The following NAV3 variants were observed in gnomAD, a reference collection of about 807,000 sequenced individuals.
The protein encoded by NAV3 is neuron navigator 3.
A neutral mutation model predicts 244.7 loss-of-function variants in NAV3; 87 were observed. That is an observed-to-expected ratio of 0.36 (90% CI 0.30 to 0.42). The LOEUF is 0.42. Ranked by LOEUF, NAV3 falls within the 20% of genes least tolerant of loss-of-function variation. The pLI, the probability that NAV3 is intolerant of heterozygous loss-of-function variation, is 1.00. For missense variants in NAV3, 2,663 were observed against 2,893.3 expected (o/e 0.92, Z 1.83); for synonymous variants, 1,126 against 1,042.2 (o/e 1.08, Z -1.55).
chr12:77,698,773 G>A (rs1022938339), intron 2 of NAV3, among the ~76,000 whole-genome samples: 1 of 152,092 alleles, frequency 6.6e-6, no homozygotes, highest in Non-Finnish European at 1.5e-5. Flanking sequence ...TATGTGAATG[G>A]CATGGCTATT....
chr12:77,814,220 AAG>A (rs1872432131), intron 2 of NAV3, among the ~76,000 whole-genome samples: 1 of 152,076 alleles, frequency 6.6e-6, no homozygotes, highest in African/African-American at 2.4e-5. Flanking sequence ...ATTGCCCAGG[AAG>A]ACTCATGTCC....
chr12:78,188,125 G>T, intron 31 of NAV3, 123 bp from the exon 32 acceptor site: 1 of 691,492 alleles, frequency 1.4e-6, no homozygotes. Flanking sequence ...TACTATAGAA[G>T]CCACAGGTTT....
At chr12:78,076,804 A>G (rs1324819157) in intron 12 of NAV3, among the ~76,000 whole-genome samples, 2 of 152,306 alleles carry the variant, frequency 1.3e-5, no homozygotes, top group Middle Eastern at 3.4e-3. Flanking sequence ...TAGAAGCCAT[A>G]TAATCCAAAA....
chr12:77,641,261 C>T (rs1360756352), intron 2 of NAV3, among the ~76,000 whole-genome samples: 1 of 151,822 alleles, frequency 6.6e-6, no homozygotes. Context: ...ATGGTCTTGT[C>T]CTATGTTGGT....
chr12:78,031,628 T>C lies in NAV3; in HGVS notation c.2023+9766T>C, dbSNP rs187166904. Among the ~76,000 whole-genome samples, 1,458 of 150,488 alleles carry C rather than the reference T, an allele frequency of 9.7e-3. 26 individuals carry two copies. The highest frequency in any genetic ancestry group is 0.034 in the African/African-American group (1,390 of 40,934). ...GAAATCATCATTCTCAGTAAACTAT[T>C]GCAAGAACAAAAAACCAAGCACCGC... is the stretch of plus-strand genomic sequence containing the variant. On this transcript the variant is annotated intron_variant, in intron 9 of 39. Coordinates refer to ENST00000397909, the MANE Select transcript of NAV3 (RefSeq NM_001024383.2).
chr12:77,697,459 C>G (rs1433223611), intron 2 of NAV3, among the ~76,000 whole-genome samples: 1 of 152,160 alleles, frequency 6.6e-6, no homozygotes, highest in Non-Finnish European at 1.5e-5. Flanking sequence ...CTCTCTTTCT[C>G]AATTTTTAAA....
intron 12 of NAV3, among the ~76,000 whole-genome samples, chr12:78,079,217 T>G (rs1043827983): frequency 1.3e-5 from 2 of 152,190 alleles, no homozygotes; most frequent in African/African-American, 4.8e-5. Context: ...GCACAAGAAT[T>G]CTAAAGATGT....
At chr12:77,969,142 ATGTGTG>A (rs3078729) in intron 5 of NAV3, among the ~76,000 whole-genome samples, 20,714 of 147,712 alleles carry the variant, frequency 0.14, 1,776 homozygotes, top group East Asian at 0.3. Flanking sequence ...AGTGTTTTTG[ATGTGTG>A]TGTGTGTGTG....
chr12:77,741,135 G>GAAAAAA (rs71088333), intron 2 of NAV3, among the ~76,000 whole-genome samples: 2 of 60,718 alleles, frequency 3.3e-5, no homozygotes, highest in African/African-American at 9.4e-5. Flanking sequence ...AATAGTCAAA[G>GAAAAAA]AAAAAAAAAA....
At chr12:77,995,188 G>A (rs984856186) in intron 6 of NAV3, among the ~76,000 whole-genome samples, 1 of 152,132 alleles carries the variant, frequency 6.6e-6, no homozygotes, top group Non-Finnish European at 1.5e-5. Flanking sequence ...ACATAATCTG[G>A]AAGTTATACA....
At chr12:78,102,897 G>A (rs867952356) in intron 12 of NAV3, among the ~76,000 whole-genome samples, 1 of 152,082 alleles carries the variant, frequency 6.6e-6, no homozygotes, top group Non-Finnish European at 1.5e-5. Flanking sequence ...TGGGCACCCT[G>A]GGCCCAGCCC....
intron 22 of NAV3, among the ~76,000 whole-genome samples, chr12:78,154,324 G>GC (rs1957212246): frequency 7.6e-6 from 1 of 131,906 alleles, no homozygotes; most frequent in Non-Finnish European, 1.6e-5. Flanking sequence ...TATATATATA[G>GC]TATATATTAT....
intron 2 of NAV3, among the ~76,000 whole-genome samples, chr12:77,743,478 T>C (rs989421755): frequency 7.2e-5 from 11 of 151,952 alleles, no homozygotes; most frequent in African/African-American, 2.6e-4. Context: ...AAAACATATG[T>C]CCACACTAAG....
chr12:77,889,467 A>G (rs1243876292), intron 1 of NAV3, among the ~76,000 whole-genome samples: 3 of 152,180 alleles, frequency 2.0e-5, no homozygotes, highest in African/African-American at 7.2e-5. Context: ...GCAAACCATG[A>G]GTAATATAGG....
chr12:77,758,183 A>G (rs559715741), intron 2 of NAV3, among the ~76,000 whole-genome samples: 1 of 152,282 alleles, frequency 6.6e-6, no homozygotes, highest in African/African-American at 2.4e-5. Context: ...TCTACTTAAG[A>G]TATAAATCTT....
intron 1 of NAV3, among the ~76,000 whole-genome samples, chr12:77,860,058 G>A (rs1879031604): frequency 6.6e-6 from 1 of 151,764 alleles, no homozygotes; most frequent in Non-Finnish European, 1.5e-5. Flanking sequence ...ATAGCCTCAA[G>A]ATTTATTAAG....
At chr12:77,677,008 C>G (rs10506756) in intron 2 of NAV3, among the ~76,000 whole-genome samples, 30,958 of 152,058 alleles carry the variant, frequency 0.2, 5,190 homozygotes, top group African/African-American at 0.46. Context: ...GGTTCTCACA[C>G]TCATTAAAAC....
chr12:78,194,350 C>T lies in NAV3; in HGVS notation c.6292-2897C>T, dbSNP rs1959108881. 3.3e-5 allele frequency among the ~76,000 whole-genome samples: 5 copies of T among 152,024 alleles called. No homozygotes were observed. In the South Asian group the frequency reaches 1.0e-3, roughly 32 times the overall value. ...GATTTCTACAATTATTTTTTAACTA[C>T]TTGATACACGATTTCCTTTAAATTT... On this transcript the variant is annotated intron_variant, in intron 34 of 39. Transcript: ENST00000397909.
At chr12:77,574,947 A>G (rs1390263484) in intron 2 of NAV3, among the ~76,000 whole-genome samples, 1 of 151,512 alleles carries the variant, frequency 6.6e-6, no homozygotes, top group Non-Finnish European at 1.5e-5. Flanking sequence ...CTTTATTAAG[A>G]TAGTATCTTC....
Sources: allele counts gnomAD v4.1 joint callset (sites outside exome capture counted in the v4.1 genomes callset), GRCh38; gene constraint gnomAD v4.1.1; transcripts MANE v1.5; gene names NCBI Gene and HGNC (gene_info 2026-07-23, HGNC 2026-07-21).